Variants in RBM4 observed in about 807,000 individuals in gnomAD.
RBM4 encodes RNA-binding protein 4.
RBM4 carries 7 observed loss-of-function variants against 29.5 expected under a neutral mutation model. That is an observed-to-expected ratio of 0.24 (90% confidence interval 0.14 to 0.45). The LOEUF is 0.45. Among genes scored for constraint, RBM4 ranks in the 20% least tolerant of loss-of-function variants. The probability of loss-of-function intolerance (pLI) is 1.00; values close to 1 mark genes in which losing one functional copy is unlikely to be tolerated. For missense variants in RBM4, 387 were observed against 502.3 expected (o/e 0.77, Z 2.19); for synonymous variants, 220 against 205.4 (o/e 1.07, Z -0.61).
chr11:66,668,037 C>T (rs144064501), exon 3 of RBM4: 9 of 152,964 alleles, frequency 5.9e-5, no homozygotes, highest in African/African-American at 2.2e-4. Flanking sequence ...AACTATAAGC[C>T]TAAAGTAATA....
chr11:66,666,593 T>G (rs1939237285), exon 3 of RBM4: 1 of 187,572 alleles, frequency 5.3e-6, no homozygotes, highest in Non-Finnish European at 1.0e-5. Flanking sequence ...TAGCAATACC[T>G]TTTGAAGACC....
chr11:66,646,586 A>G, downstream of RBM4: 1 of 980,184 alleles, frequency 1.0e-6, no homozygotes, highest in Non-Finnish European at 1.2e-6. Flanking sequence ...CACTGTAGTT[A>G]TTTTGTTTAT....
Position 66,651,694 on chromosome 11 carries a change from C to T in RBM4, c.412+11571C>T, listed in dbSNP as rs150953810. 6.5e-3 allele frequency among the ~76,000 whole-genome samples: 991 copies of T among 152,226 alleles called. 2 individuals carry two copies. The highest frequency in any genetic ancestry group is 0.01 in the Middle Eastern group (3 of 294). ...CGTTTGAGGTGCTGTAACAAAAGAC[C>T]GTAAGACTGGATGGCTTATACACAA... is the stretch of plus-strand genomic sequence containing the variant. On this transcript the variant is annotated intron_variant, in intron 2 of 2. Transcript: ENST00000396053.
intron 2 of RBM4, among the ~76,000 whole-genome samples, chr11:66,657,108 C>CTTTTTTTTTT: frequency 1.1e-5 from 1 of 93,436 alleles, no homozygotes; most frequent in Non-Finnish European, 2.1e-5. Context: ...ATTTTTTAGT[C>CTTTTTTTTTT]TTTTTTTTTT....
chr11:66,648,439 T>G (rs1938755588), downstream of RBM4, among the ~76,000 whole-genome samples: 1 of 151,980 alleles, frequency 6.6e-6, no homozygotes, highest in Non-Finnish European at 1.5e-5. Context: ...GGAGGATCAC[T>G]TGAACCCAGA....
chr11:66,667,273 TG>T (rs1410652627), exon 3 of RBM4: 2 of 152,356 alleles, frequency 1.3e-5, no homozygotes, highest in East Asian at 3.8e-4. Context: ...AAATTATTCT[TG>T]GCATTTTAGC....
intron 2 of RBM4, among the ~76,000 whole-genome samples, chr11:66,659,055 A>C (rs981118155): frequency 6.6e-6 from 1 of 150,804 alleles, no homozygotes; most frequent in African/African-American, 2.4e-5. Context: ...TTTCCTAACC[A>C]CCAGACTATC....
chr11:66,649,179 G>A (rs1938772574), downstream of RBM4, among the ~76,000 whole-genome samples: 1 of 151,888 alleles, frequency 6.6e-6, no homozygotes, highest in South Asian at 2.1e-4. Flanking sequence ...GCTAATTTTT[G>A]TATTTTTAGT....
exon 3 of RBM4, chr11:66,666,135 CAGTTCCAGT>C (rs1170663874): frequency 1.3e-6 from 1 of 760,006 alleles, no homozygotes; most frequent in Non-Finnish European, 2.0e-6. Context: ...GTGAGAGCCA[CAGTTCCAGT>C]AGTTCCCCTA....
intron 2 of RBM4, among the ~76,000 whole-genome samples, chr11:66,658,337 C>CTTTTTTTTTTTTTTTTTTTTTT (rs35133059): frequency 2.0e-5 from 1 of 50,464 alleles, no homozygotes; most frequent in Admixed American, 3.9e-4. Context: ...CTAGTCTGAC[C>CTTTTTTTTTTTTTTTTTTTTTT]TTTTTTTTTT....
At chr11:66,663,975 T>C (rs111440480) in intron 2 of RBM4, among the ~76,000 whole-genome samples, 2,121 of 152,130 alleles carry the variant, frequency 0.014, 53 homozygotes, top group African/African-American at 0.048. Context: ...GCTAACTTCC[T>C]ACCACCTATT....
intron 2 of RBM4, among the ~76,000 whole-genome samples, chr11:66,641,418 C>T (rs932484639): frequency 1.3e-5 from 2 of 152,136 alleles, no homozygotes; most frequent in African/African-American, 4.8e-5. Flanking sequence ...AAAAGTGACA[C>T]AGGTCTCTCA....
chr11:66,644,159 T>TC lies in RBM4; in HGVS notation c.*8+22dup, dbSNP rs1938588824. 6.3e-7 allele frequency: 1 copy of TC among 1,590,354 alleles called. No homozygotes were observed. The highest frequency in any genetic ancestry group is 8.6e-7 in the Non-Finnish European group (1 of 1,167,884). Reference sequence around the variant, plus strand: ...GCTTGAGGTGAGAGGGGTGGGGTGTTCCCTCTTCTGGTTTTGCCATCCCTC... The same window carrying TC: ...GCTTGAGGTGAGAGGGGTGGGGTGTTCCCCTCTTCTGGTTTTGCCATCCCTC... On this transcript the variant is annotated intron_variant, in intron 3 of 3. Transcript: ENST00000310092.
chr11:66,665,788 T>G (rs1479771318), intron 2 of RBM4: 1 of 1,390,544 alleles, frequency 7.2e-7, no homozygotes, highest in Non-Finnish European at 9.7e-7. Flanking sequence ...GCTATATATA[T>G]AGGACAAGAT....
intron 2 of RBM4, among the ~76,000 whole-genome samples, chr11:66,657,015 A>G (rs567010032): frequency 6.6e-6 from 1 of 151,032 alleles, no homozygotes; most frequent in Non-Finnish European, 1.5e-5. Flanking sequence ...TCTTGTTCCC[A>G]TTGTTGCAAT....
intron 2 of RBM4, among the ~76,000 whole-genome samples, chr11:66,663,725 T>TGC: frequency 6.6e-6 from 1 of 151,792 alleles, no homozygotes. Context: ...TGTGTGTGTG[T>TGC]GTGTATATAT....
At chr11:66,639,384 A>G (rs1243638523) in intron 1 of RBM4, 2 of 322,324 alleles carry the variant, frequency 6.2e-6, no homozygotes, top group African/African-American at 4.2e-5. Context: ...CCTAGTGGAT[A>G]GAAAAGCCTA....
chr11:66,646,012 TG>T lies in RBM4; in HGVS notation c.*9-14del. ...GAGCTTTGCTGTAAAGCCGCTGTATTGTGCTCTCTTTCAGGTGGGATGTGTG... is the reference window on the plus strand; with the variant it reads ...GAGCTTTGCTGTAAAGCCGCTGTATTTGCTCTCTTTCAGGTGGGATGTGTG... On this transcript the variant is annotated splice_polypyrimidine_tract_variant and intron_variant, in intron 3 of 3. Transcript: ENST00000310092. 6.5e-7 allele frequency: 1 copy of T among 1,536,114 alleles called. No homozygotes were observed. The highest frequency in any genetic ancestry group is 8.7e-7 in the Non-Finnish European group (1 of 1,146,910).
rs1938573452 is a variant in RBM4, at chr11:66,643,869, C to T, written c.832C>T (p.Pro278Ser). The part of the protein sequence containing the change: ...SLDPYDRHLL[P>S]TSGAAATAAA... The stretch of plus-strand genomic sequence containing the variant: ...CGATCCCTACGATAGACACCTGTTG[C>T]CGACCTCAGGAGCTGCTGCCACAGC... The change falls in exon 3 of 4, where the codon CCG becomes TCG. Residue 278 changes from proline to serine, a missense_variant. This residue lies in a region of RBM4 where 281 missense variants were observed against 288.7 expected (regional missense o/e 0.97). Transcript: ENST00000310092. The surrounding 1 kb of genome is among the most constrained non-coding windows in gnomAD (Gnocchi z 6.1). 6.2e-7 allele frequency: 1 copy of T among 1,613,810 alleles called. No individual in the cohort carries two copies. The highest frequency in any genetic ancestry group is 8.5e-7 in the Non-Finnish European group (1 of 1,179,984).
Sources: gnomAD v4.1 joint callset for allele counts (sites outside exome capture counted in the v4.1 genomes callset) on GRCh38, gnomAD v4.1.1 for gene constraint, gnomAD v4.1.1 regional missense constraint, Gnocchi (gnomAD v3.1) non-coding constraint, MANE v1.5 for transcripts, NCBI Gene and HGNC (gene_info 2026-07-23, HGNC 2026-07-21) for gene names.